GOLIM4: variants seen among roughly 807,000 people sequenced by gnomAD.
GOLIM4 encodes the protein 130 kDa golgi-localized phosphoprotein.
A neutral mutation model predicts 107.4 loss-of-function variants in GOLIM4; 71 were observed. The observed-to-expected ratio is 0.66, with a 90% CI of 0.55 to 0.81. GOLIM4 has a LOEUF of 0.81. Ranked by LOEUF, GOLIM4 falls within the 30% of genes least tolerant of loss-of-function variation. The probability of loss-of-function intolerance (pLI) is 0.00; values close to 1 mark genes in which losing one functional copy is unlikely to be tolerated. For missense variants in GOLIM4, 830 were observed against 826.1 expected (o/e 1.00, Z -0.06); for synonymous variants, 327 against 294.8 (o/e 1.11, Z -1.12).
At chr3:168,010,495 T>C in intron 15 of GOLIM4, 77 bp from the exon 16 acceptor site, 7 of 1,046,624 alleles carry the variant, frequency 6.7e-6, no homozygotes, top group East Asian at 2.5e-5. Context: ...AAAAACAGGA[T>C]GAAAAATTAC....
At chr3:168,065,726 G>A (rs760969568) in intron 1 of GOLIM4, among the ~76,000 whole-genome samples, 5 of 152,142 alleles carry the variant, frequency 3.3e-5, no homozygotes, top group Admixed American at 1.3e-4. Flanking sequence ...CACAGAGGTG[G>A]AAGAATCCAA....
At chr3:168,031,503 T>C (rs1352244250) in intron 9 of GOLIM4, among the ~76,000 whole-genome samples, 1 of 152,190 alleles carries the variant, frequency 6.6e-6, no homozygotes, top group Non-Finnish European at 1.5e-5. Flanking sequence ...CTGTACCCCA[T>C]TGAGCTACTA....
Position 168,025,082 on chromosome 3 carries a change from T to A in GOLIM4, c.1637A>T (p.Glu546Val), listed in dbSNP as rs774756322. ...PESEADRAAV[E>V]DINPADDPNN... Reference sequence around the variant, plus strand: ...AGGGTCATCTGCTGGGTTTATATCTTCTACAGCTGCCCTCTGTAAAATTTT... The same window carrying A: ...AGGGTCATCTGCTGGGTTTATATCTACTACAGCTGCCCTCTGTAAAATTTT... The change falls in exon 13 of 16, where the codon GAA (glutamate) becomes GTA (valine). Residue 546 changes from glutamate (E) to valine (V), a missense_variant. Glu to Val is a moderately radical substitution (Grantham distance 121). Coordinates refer to ENST00000470487, the MANE Select transcript of GOLIM4 (RefSeq NM_014498.5). The A allele has an allele frequency of 5.6e-6, 9 of 1,612,558 alleles. No homozygotes were observed. In the East Asian group the frequency reaches 1.8e-4, roughly 32 times the overall value.
At chr3:168,083,781 A>T (rs1381509862) in intron 1 of GOLIM4, among the ~76,000 whole-genome samples, 3 of 152,156 alleles carry the variant, frequency 2.0e-5, no homozygotes, top group Non-Finnish European at 4.4e-5. Flanking sequence ...TACTCACCTT[A>T]TGGTAGGCTG....
chr3:168,084,594 A>G (rs914491243), intron 1 of GOLIM4, among the ~76,000 whole-genome samples: 1 of 152,208 alleles, frequency 6.6e-6, no homozygotes, highest in African/African-American at 2.4e-5. Flanking sequence ...AGTTAAGCCC[A>G]GATTCCTTTC....
intron 1 of GOLIM4, among the ~76,000 whole-genome samples, chr3:168,062,277 A>G (rs1374540352): frequency 3.9e-5 from 6 of 152,174 alleles, no homozygotes; most frequent in Non-Finnish European, 8.8e-5. Context: ...GTCTGGTGCC[A>G]TCACTGGAAA....
At chr3:168,050,261 T>TA (rs34839117) in intron 1 of GOLIM4, among the ~76,000 whole-genome samples, 43,478 of 152,024 alleles carry the variant, frequency 0.29, 6,718 homozygotes, top group African/African-American at 0.38. Context: ...AGTCCACTGC[T>TA]AAAAAGTAAT....
At chr3:168,052,956 C>T (rs568246628) in intron 1 of GOLIM4, among the ~76,000 whole-genome samples, 1 of 152,216 alleles carries the variant, frequency 6.6e-6, no homozygotes, top group African/African-American at 2.4e-5. Flanking sequence ...AACACTGCAA[C>T]AGGAATAGGA....
chr3:168,084,447 G>A (rs1721524362), intron 1 of GOLIM4, among the ~76,000 whole-genome samples: 1 of 152,118 alleles, frequency 6.6e-6, no homozygotes, highest in South Asian at 2.1e-4. Flanking sequence ...GATTGGAAAT[G>A]GATTTTCTAA....
chr3:168,010,484 T>G, intron 15 of GOLIM4, 66 bp from the exon 16 acceptor site: 1 of 1,119,744 alleles, frequency 8.9e-7, no homozygotes, highest in African/African-American at 1.6e-5. Context: ...TAATTCTCTC[T>G]AAAAACAGGA....
intron 1 of GOLIM4, among the ~76,000 whole-genome samples, chr3:168,066,691 T>C (rs1326218378): frequency 1.3e-5 from 2 of 152,170 alleles, no homozygotes; most frequent in South Asian, 2.1e-4. Flanking sequence ...AAATAACTTA[T>C]ACATCCAATT....
chr3:168,054,359 G>C (rs963183164), intron 1 of GOLIM4, among the ~76,000 whole-genome samples: 3 of 152,100 alleles, frequency 2.0e-5, no homozygotes, highest in African/African-American at 7.2e-5. Flanking sequence ...TCTCTGTTAG[G>C]CTTGAACATG....
intron 9 of GOLIM4, among the ~76,000 whole-genome samples, chr3:168,031,932 G>C (rs1718357559): frequency 6.6e-6 from 1 of 152,058 alleles, no homozygotes; most frequent in African/African-American, 2.4e-5. Context: ...AATAATCCTG[G>C]CCATTTTTTT....
intron 1 of GOLIM4, among the ~76,000 whole-genome samples, chr3:168,090,155 G>T (rs1246420689): frequency 6.6e-6 from 1 of 152,086 alleles, no homozygotes; most frequent in Non-Finnish European, 1.5e-5. Context: ...AGGCCAGTGG[G>T]CCATCCTGAG....
At position 168,095,220 on chromosome 3, in the gene GOLIM4, G is replaced by A. The variant is rs376243492; in HGVS notation, c.66C>T (p.Val22=). Residue 22 remains valine, a synonymous_variant, in exon 1 of 16, where the codon GTC becomes GTT. Transcript: ENST00000470487. ...RIFQTLLLLT[V]VFGFLYGAML... is the part of the protein sequence containing the mutation. ...TCGCGCCGTAGAGAAAGCCGAACAC[G>A]ACGGTCAGCAGCAGCAGCGTCTGGA... The A allele has an allele frequency of 1.9e-6, 3 of 1,613,546 alleles. No homozygotes were observed. Among genetic ancestry groups the A allele is most frequent in the East Asian group, 2.2e-5 (1 of 44,876 alleles).
Position 168,095,555 on chromosome 3 carries a change from C to T in GOLIM4, c.-270G>A. 1 of 447,302 alleles carries T rather than the reference C, an allele frequency of 2.2e-6. No homozygotes were observed. The highest frequency in any genetic ancestry group is 4.0e-6 in the Non-Finnish European group (1 of 252,102). The allele number at this position is 447,302 out of a possible 1,614,324, so 27.7% of individuals were successfully genotyped here. On this transcript the variant is annotated 5_prime_UTR_variant, in exon 1 of 16. Coordinates refer to ENST00000470487, the MANE Select transcript of GOLIM4 (RefSeq NM_014498.5). ...TGCCCGGGGCCGGGAGGAGGCCCTC[C>T]GCATACTTCAGAGCCGGCTGCCCTC... is the stretch of plus-strand genomic sequence containing the variant.
chr3:168,046,598 A>G (rs192288821), intron 3 of GOLIM4, among the ~76,000 whole-genome samples: 37 of 152,348 alleles, frequency 2.4e-4, no homozygotes, highest in Admixed American at 1.8e-3. Context: ...TGAAAACTCT[A>G]GGCCAGGTCC....
Position 168,026,150 on chromosome 3 carries a change from T to A in GOLIM4, c.1624-1055A>T, listed in dbSNP as rs116397283. Among the ~76,000 whole-genome samples, 708 of 152,256 alleles carry A rather than the reference T, an allele frequency of 4.7e-3. 3 individuals carry two copies. Among genetic ancestry groups the A allele is most frequent in the Middle Eastern group, 0.014 (4 of 294 alleles). On this transcript the variant is annotated intron_variant, in intron 12 of 15. Transcript: ENST00000470487. ...TCTCAGCTGATCTATTATCTGCACA[T>A]CCCTGGCCATGAATGTTACTCCAGT...
chr3:168,055,402 T>C (rs1250702803), intron 1 of GOLIM4, among the ~76,000 whole-genome samples: 2 of 152,240 alleles, frequency 1.3e-5, no homozygotes, highest in Non-Finnish European at 2.9e-5. Flanking sequence ...GCAAAGAGAC[T>C]GACGGCATTT....
Sources: allele counts gnomAD v4.1 joint callset (sites outside exome capture counted in the v4.1 genomes callset), GRCh38; gene constraint gnomAD v4.1.1; transcripts MANE v1.5; gene names NCBI Gene and HGNC (gene_info 2026-07-23, HGNC 2026-07-21).